Variants in HACD2 observed in about 807,000 individuals in gnomAD.
The protein encoded by HACD2 is 3-hydroxyacyl-CoA dehydratase 2, also known as very-long-chain (3R)-3-hydroxyacyl-CoA dehydratase 2.
Under a neutral mutation model 31.0 loss-of-function variants are expected in HACD2, and 15 were observed. The observed-to-expected ratio is 0.48, with a 90% confidence interval of 0.32 to 0.75. The LOEUF (loss-of-function observed/expected upper bound fraction) is 0.75, where lower values mean the gene tolerates loss of function less well. Ranked by LOEUF, HACD2 falls within the 30% of genes least tolerant of loss-of-function variation. The probability of loss-of-function intolerance (pLI) is 0.03; values close to 1 mark genes in which losing one functional copy is unlikely to be tolerated. For synonymous variants in HACD2, 115 were observed against 122.2 expected, an observed-to-expected ratio of 0.94 and a Z score of 0.39; for missense variants, 283 against 313.0, an observed-to-expected ratio of 0.90 and a Z score of 0.72.
chr3:123,496,424 A>C (rs1319052324), intron 6 of HACD2, among the ~76,000 whole-genome samples: 1 of 152,172 alleles, frequency 6.6e-6, no homozygotes, highest in African/African-American at 2.4e-5. Flanking sequence ...ATGGGTTCCA[A>C]GCTGGCCAGA....
chr3:123,561,706 T>G (rs917416683), intron 3 of HACD2, among the ~76,000 whole-genome samples: 1 of 152,030 alleles, frequency 6.6e-6, no homozygotes, highest in Admixed American at 6.6e-5. Flanking sequence ...GATATAACAC[T>G]TCTTAATACT....
Position 123,500,654 on chromosome 3 carries a change from T to C in HACD2, c.543A>G (p.Ser181=). ...LFIVLYPMGV[S]GELLTIYAAL... The stretch of plus-strand genomic sequence containing the variant: ...CTGCATATATTGTGAGCAGTTCTCC[T>C]GACACTCCCATTGGGTACAGCACAA... The change falls in exon 6 of 7, where the codon TCA becomes TCG. Residue 181 remains serine, a synonymous_variant. Transcript: ENST00000383657. 3 of 1,613,206 alleles carry C rather than the reference T, an allele frequency of 1.9e-6. No homozygotes were observed. The highest frequency in any genetic ancestry group is 2.5e-6 in the Non-Finnish European group (3 of 1,179,638).
In HACD2 at chr3:123,567,776, A is replaced by G; in HGVS notation, c.278T>C (p.Leu93Ser). Reference sequence around the variant, plus strand: ...TCCATACTTACCTATAGCACAATGTAAAATCTAGAGGAAAAAAGGGGAAAA... The same window carrying G: ...TCCATACTTACCTATAGCACAATGTGAAATCTAGAGGAAAAAAGGGGAAAA... ...FFQTGALLEI[L>S]HCAIGIVPSS... Residue 93 changes from leucine (L) to serine (S), a missense_variant, in exon 3 of 7, where the codon TTA becomes TCA. Coordinates refer to ENST00000383657, the MANE Select transcript of HACD2 (RefSeq NM_198402.5). 6.6e-7 allele frequency: 1 copy of G among 1,504,208 alleles called. No individual in the cohort carries two copies. The highest frequency in any genetic ancestry group is 1.3e-5 in the South Asian group (1 of 77,008). The allele number at this position is 1,504,208 out of a possible 1,614,324, so 93.2% of individuals were successfully genotyped here.
intron 2 of HACD2, among the ~76,000 whole-genome samples, chr3:123,570,140 G>C (rs1164707262): frequency 6.6e-6 from 1 of 151,256 alleles, no homozygotes; most frequent in Non-Finnish European, 1.5e-5. Context: ...GTCCTCAGAT[G>C]CACTCTCCCC....
At chr3:123,522,943 C>T in intron 4 of HACD2, among the ~76,000 whole-genome samples, 1 of 152,162 alleles carries the variant, frequency 6.6e-6, no homozygotes, top group East Asian at 1.9e-4. Context: ...GCCCCTGACA[C>T]AGCATCTCAT....
At chr3:123,502,407 A>C (rs2055913475) in intron 5 of HACD2, among the ~76,000 whole-genome samples, 153 bp downstream of exon 5, 3 of 152,274 alleles carry the variant, frequency 2.0e-5, no homozygotes, top group Admixed American at 2.0e-4. Context: ...AGTTAAGTAC[A>C]GACTCCTATT....
At chr3:123,540,882 C>T (rs945485787) in intron 3 of HACD2, among the ~76,000 whole-genome samples, 1 of 152,228 alleles carries the variant, frequency 6.6e-6, no homozygotes. Flanking sequence ...ACCTTGAATG[C>T]TGGATAAAAA....
At chr3:123,498,360 G>A (rs1391051691) in intron 6 of HACD2, among the ~76,000 whole-genome samples, 1 of 152,232 alleles carries the variant, frequency 6.6e-6, no homozygotes, top group African/African-American at 2.4e-5. Flanking sequence ...AATTACTTAA[G>A]GTAAAGAAAG....
intron 4 of HACD2, among the ~76,000 whole-genome samples, chr3:123,520,625 C>T (rs1658370062): frequency 6.6e-6 from 1 of 152,210 alleles, no homozygotes; most frequent in Admixed American, 6.5e-5. Context: ...TGGTAACCAA[C>T]ATCTTTCCAC....
intron 4 of HACD2, chr3:123,502,939 G>A (rs1467006231): frequency 7.9e-6 from 3 of 381,552 alleles, no homozygotes; most frequent in Non-Finnish European, 1.5e-5. Context: ...ACAAACACGA[G>A]GGGTGGGGAT....
At chr3:123,495,435 C>T (rs536216646) in intron 6 of HACD2, among the ~76,000 whole-genome samples, 7 of 152,164 alleles carry the variant, frequency 4.6e-5, no homozygotes, top group Non-Finnish European at 2.9e-5. Flanking sequence ...TGGGACCAGG[C>T]TCTTGGCTCC....
intron 2 of HACD2, among the ~76,000 whole-genome samples, chr3:123,576,939 T>C (rs1341327098): frequency 1.3e-5 from 2 of 152,108 alleles, no homozygotes; most frequent in Non-Finnish European, 2.9e-5. Flanking sequence ...GTCTGCAGAG[T>C]GAGACAGGAA....
intron 2 of HACD2, among the ~76,000 whole-genome samples, chr3:123,569,197 C>G (rs1271160548): frequency 6.6e-6 from 1 of 152,104 alleles, no homozygotes; most frequent in Non-Finnish European, 1.5e-5. Context: ...ATCTTACAGT[C>G]TTTTTCAATA....
Position 123,585,014 on chromosome 3 carries a change from G to A in HACD2, c.14C>T (p.Ala5Val), listed in dbSNP as rs1441850939. The A allele has an allele frequency of 6.8e-6, 10 of 1,472,110 alleles. No homozygotes were observed. The highest frequency in any genetic ancestry group is 1.3e-5 in the South Asian group (1 of 79,022). 91.2% of individuals were successfully genotyped at this position (1,472,110 alleles called of 1,614,324 possible). The change falls in exon 1 of 7, where the codon GCG (alanine) becomes GTG (valine). Residue 5 changes from alanine to valine, a missense_variant. Around this residue, in one of 3 missense-constraint regions of HACD2, gnomAD observed 158 missense variants for 148.3 expected, o/e 1.07. Transcript: ENST00000383657. ...ATTCCCCTTCGCTGCTGCAGTCGCC[G>A]CCACTGCCGCCATGTCAAGTGCCCG... MAAVAATAAAKGNGG... is the reference protein window; with the variant it reads MAAVVATAAAKGNGG...
At position 123,578,191 on chromosome 3, in the gene HACD2, A is replaced by C. The variant is rs541160317; in HGVS notation, c.273+4021T>G. ...TTCAAGATTTATCCAGGCATATATC[A>C]GTAATTCATTTGCCTTTATTAATTT... On this transcript the variant is annotated intron_variant, in intron 2 of 6. Transcript: ENST00000383657. Among the ~76,000 whole-genome samples the C allele has an allele frequency of 2.7e-4, 41 of 152,366 alleles. 2 individuals are homozygous for C. The highest frequency in any genetic ancestry group is 2.6e-3 in the Admixed American group (40 of 15,304).
intron 2 of HACD2, among the ~76,000 whole-genome samples, chr3:123,571,827 A>G (rs1458048725): frequency 6.6e-6 from 1 of 152,222 alleles, no homozygotes; most frequent in East Asian, 1.9e-4. Flanking sequence ...TTTTACAGCA[A>G]CAAAAACTAA....
chr3:123,511,278 T>C (rs13434288), intron 4 of HACD2, among the ~76,000 whole-genome samples: 5,211 of 152,234 alleles, frequency 0.034, 90 homozygotes, highest in Middle Eastern at 0.088. Context: ...TTTACAGAAT[T>C]TGAACCCAAG....
At chr3:123,568,159 C>T (rs911078188) in intron 2 of HACD2, among the ~76,000 whole-genome samples, 5 of 152,228 alleles carry the variant, frequency 3.3e-5, no homozygotes, top group South Asian at 2.1e-4. Flanking sequence ...CTCCGGAACA[C>T]GGGGTGAGAA....
chr3:123,532,121 G>A (rs1417955887), intron 3 of HACD2, among the ~76,000 whole-genome samples: 1 of 152,188 alleles, frequency 6.6e-6, no homozygotes, highest in Non-Finnish European at 1.5e-5. Flanking sequence ...ACCTTTGGCA[G>A]TAAATTTAAA....
Sources: gnomAD v4.1 joint callset for allele counts (sites outside exome capture counted in the v4.1 genomes callset) on GRCh38, gnomAD v4.1.1 for gene constraint, gnomAD v4.1.1 regional missense constraint, MANE v1.5 for transcripts, NCBI Gene and HGNC (gene_info 2026-07-23, HGNC 2026-07-21) for gene names.